The following GRAMD1B variants were observed in gnomAD, a reference collection of about 807,000 sequenced individuals.
The protein encoded by GRAMD1B is GRAM domain containing 1B.
A neutral mutation model predicts 99.7 loss-of-function variants in GRAMD1B; 37 were observed. That is an observed-to-expected ratio of 0.37 (90% confidence interval 0.29 to 0.49). GRAMD1B has a LOEUF of 0.49. GRAMD1B is among the 20% of genes least tolerant of loss of function. The pLI, the probability that GRAMD1B is intolerant of heterozygous loss-of-function variation, is 0.98. For synonymous variants in GRAMD1B, 427 were observed against 387.6 expected (o/e 1.10, Z -1.19); for missense variants, 888 against 1,009.2 (o/e 0.88, Z 1.63).
At chr11:123,477,359 G>GTGGTAAA (rs1228405037) in intron 1 of GRAMD1B, among the ~76,000 whole-genome samples, 1 of 144,194 alleles carries the variant, frequency 6.9e-6, no homozygotes, top group African/African-American at 2.6e-5. Context: ...GTACTTGAGA[G>GTGGTAAA]TGGTAAATGG....
intron 1 of GRAMD1B, among the ~76,000 whole-genome samples, chr11:123,462,900 A>T (rs1403212569): frequency 1.4e-4 from 21 of 149,618 alleles, no homozygotes; most frequent in Non-Finnish European, 2.4e-4. Flanking sequence ...TTAAAAAAAA[A>T]AAAAAAAAAA....
intron 1 of GRAMD1B, among the ~76,000 whole-genome samples, chr11:123,388,176 GA>G (rs1384901868): frequency 2.0e-5 from 3 of 150,816 alleles, no homozygotes; most frequent in South Asian, 2.1e-4. Flanking sequence ...TGGAAAGGGG[GA>G]AAAATAGTAA....
chr11:123,409,601 C>T (rs2282561), intron 1 of GRAMD1B, among the ~76,000 whole-genome samples: 25,267 of 152,126 alleles, frequency 0.17, 2,797 homozygotes, highest in African/African-American at 0.32. Context: ...AATGTGCCCA[C>T]CATCCAGTCC....
At chr11:123,621,158 G>T (rs1384343799) in intron 19 of GRAMD1B, among the ~76,000 whole-genome samples, 2 of 152,112 alleles carry the variant, frequency 1.3e-5, no homozygotes, top group African/African-American at 4.8e-5. Context: ...AGATATAAAT[G>T]AACCAGAGAG....
At chr11:123,392,255 CCTCTGA>C (rs779662906) in intron 1 of GRAMD1B, among the ~76,000 whole-genome samples, 1 of 151,764 alleles carries the variant, frequency 6.6e-6, no homozygotes, top group African/African-American at 2.4e-5. Flanking sequence ...ATGTCTTTGC[CCTCTGA>C]ATGCATTCTA....
At chr11:123,550,276 G>T (rs1016580845) in intron 2 of GRAMD1B, among the ~76,000 whole-genome samples, 1 of 152,066 alleles carries the variant, frequency 6.6e-6, no homozygotes, top group Non-Finnish European at 1.5e-5. Context: ...AGACATGTGG[G>T]CGTGAGGATG....
rs182335397 is a variant in GRAMD1B at position 123,591,259 on chromosome 11, G to A, written c.685-2823G>A. On this transcript the variant is annotated intron_variant, in intron 4 of 19. Coordinates refer to ENST00000635736, the MANE Select transcript of GRAMD1B (RefSeq NM_001387025.1). This position sits in a 1 kb window ranked among gnomAD's most constrained non-coding sequence, Gnocchi z 4.7. ...AAGGACACCTGTCAGAGTCACACAG[G>A]CCCTCTGCTGAGAAACCAGAGGCCA... The A allele has an allele frequency of 2.7e-4, 108 of 396,436 alleles. No homozygotes were observed. The highest frequency in any genetic ancestry group is 1.8e-3 in the African/African-American group (89 of 48,710). The allele number at this position is 396,436 out of a possible 1,614,324, so 24.6% of individuals were successfully genotyped here. A position where few individuals can be genotyped will look rare whatever the true frequency, so the allele number is the denominator to read the frequency against.
At chr11:123,446,709 C>T (rs531923040) in intron 1 of GRAMD1B, among the ~76,000 whole-genome samples, 2 of 152,216 alleles carry the variant, frequency 1.3e-5, no homozygotes, top group South Asian at 2.1e-4. Flanking sequence ...GTAATTCTCA[C>T]GATTCATCAG....
intron 2 of GRAMD1B, among the ~76,000 whole-genome samples, chr11:123,563,970 G>A (rs1221027047): frequency 1.3e-5 from 2 of 152,062 alleles, no homozygotes; most frequent in Admixed American, 6.6e-5. Context: ...GTCATTCTTC[G>A]GTATGCTTCG....
chr11:123,367,690 T>A (rs1389629063), intron 1 of GRAMD1B, among the ~76,000 whole-genome samples: 2 of 152,066 alleles, frequency 1.3e-5, no homozygotes, highest in African/African-American at 4.8e-5. Flanking sequence ...ACACCATTTT[T>A]TTTTCTTTTT....
intron 1 of GRAMD1B, among the ~76,000 whole-genome samples, chr11:123,370,399 G>A (rs1670609037): frequency 6.9e-6 from 1 of 144,572 alleles, no homozygotes; most frequent in Non-Finnish European, 1.5e-5. Context: ...GGAGTGCAGT[G>A]GTGCGATCTT....
At chr11:123,442,205 C>T (rs1949441320) in intron 1 of GRAMD1B, among the ~76,000 whole-genome samples, 1 of 152,192 alleles carries the variant, frequency 6.6e-6, no homozygotes, top group Non-Finnish European at 1.5e-5. Flanking sequence ...TCTAAGATTG[C>T]CCCCACTTCA....
intron 2 of GRAMD1B, among the ~76,000 whole-genome samples, chr11:123,568,042 T>A (rs1226589244): frequency 6.6e-6 from 1 of 152,220 alleles, no homozygotes; most frequent in Non-Finnish European, 1.5e-5. Context: ...ATTAAATTAG[T>A]CAGCTGGCTG....
At position 123,607,233 on chromosome 11, in the gene GRAMD1B, A is replaced by G. The variant is rs80273142; in HGVS notation, c.1513+435A>G. On this transcript the variant is annotated intron_variant, in intron 11 of 19. Coordinates refer to ENST00000635736, the MANE Select transcript of GRAMD1B (RefSeq NM_001387025.1). ...GGGTATTTAGGCCCAGCTAGAAGAA[A>G]AGGTGTTGCTGGGTCAAATAGGGTT... Among the ~76,000 whole-genome samples, 551 of 152,320 alleles carry G rather than the reference A, an allele frequency of 3.6e-3. 4 individuals are homozygous for G. The highest frequency in any genetic ancestry group is 0.012 in the African/African-American group (516 of 41,570).
At chr11:123,513,699 T>C (rs1016809227) in intron 2 of GRAMD1B, among the ~76,000 whole-genome samples, 2 of 150,632 alleles carry the variant, frequency 1.3e-5, no homozygotes, top group African/African-American at 4.9e-5. Flanking sequence ...CTCTATTGCC[T>C]AGACTGGAGT....
intron 1 of GRAMD1B, among the ~76,000 whole-genome samples, chr11:123,420,609 G>C (rs1948398147): frequency 6.6e-6 from 1 of 152,144 alleles, no homozygotes; most frequent in Non-Finnish European, 1.5e-5. Context: ...GAAACAAAGG[G>C]TATTGGTTTG....
intron 2 of GRAMD1B, among the ~76,000 whole-genome samples, chr11:123,509,428 T>C (rs1940758235): frequency 6.6e-6 from 1 of 152,226 alleles, no homozygotes; most frequent in Non-Finnish European, 1.5e-5. Flanking sequence ...TGGGTGTTTT[T>C]CCATAGATTA....
chr11:123,517,398 G>A (rs1331402750), intron 2 of GRAMD1B, among the ~76,000 whole-genome samples: 1 of 152,222 alleles, frequency 6.6e-6, no homozygotes, highest in Non-Finnish European at 1.5e-5. Flanking sequence ...TATAGTGGTG[G>A]TTCTGTGGAC....
chr11:123,526,087 G>T (rs1942698855), intron 2 of GRAMD1B: 1 of 1,431,548 alleles, frequency 7.0e-7, no homozygotes, highest in African/African-American at 1.4e-5. Flanking sequence ...TATGTCCTGG[G>T]ACCTCCGGAG....
Sources: gnomAD v4.1 joint callset for allele counts (sites outside exome capture counted in the v4.1 genomes callset) on GRCh38, gnomAD v4.1.1 for gene constraint, Gnocchi (gnomAD v3.1) non-coding constraint, MANE v1.5 for transcripts, NCBI Gene and HGNC (gene_info 2026-07-23, HGNC 2026-07-21) for gene names.